The following GTF3C1 variants were observed in gnomAD, a reference collection of about 807,000 sequenced individuals.
GTF3C1 encodes general transcription factor 3C polypeptide 1.
In GTF3C1, 57 loss-of-function variants were observed where a neutral mutation model predicts 226.7. The observed-to-expected ratio is 0.25, with a 90% confidence interval of 0.20 to 0.31. The LOEUF (loss-of-function observed/expected upper bound fraction) is 0.31. GTF3C1 is among the 10% of genes least tolerant of loss of function. GTF3C1 has a pLI of 1.00. For missense variants in GTF3C1, 2,217 were observed against 2,776.1 expected (o/e 0.80, Z 4.53); for synonymous variants, 1,090 against 1,084.8 (o/e 1.00, Z -0.09).
chr16:27,531,052 A>G lies in GTF3C1; in HGVS notation c.849+2239T>C, dbSNP rs532224896. 2.8e-4 allele frequency among the ~76,000 whole-genome samples: 42 copies of G among 152,180 alleles called. No individual in the cohort carries two copies. The East Asian group carries it at 6.9e-3, about 25-fold the overall frequency. ...CTTCCCTCCACCAGCTCATATGCCT[A>G]GACTGCAACCTCCACCTCCCAGGCT... On this transcript the variant is annotated intron_variant, in intron 5 of 36. Coordinates refer to ENST00000356183, the MANE Select transcript of GTF3C1 (RefSeq NM_001520.4).
chr16:27,539,290 T>C (rs1237241523), intron 2 of GTF3C1, among the ~76,000 whole-genome samples: 1 of 152,164 alleles, frequency 6.6e-6, no homozygotes, highest in Non-Finnish European at 1.5e-5. Context: ...AAATCATTAG[T>C]TCCTTCCTCT....
intron 1 of GTF3C1, among the ~76,000 whole-genome samples, chr16:27,549,076 C>A (rs1596671422): frequency 6.6e-6 from 1 of 152,122 alleles, no homozygotes; most frequent in African/African-American, 2.4e-5. Flanking sequence ...ATCGCTTGAA[C>A]CTGGGAGGCG....
In GTF3C1 at chr16:27,484,208, T is replaced by C. The variant is rs775830972; in HGVS notation, c.4001+3A>G. On this transcript the variant is annotated splice_donor_region_variant and intron_variant, in intron 25 of 36. Coordinates refer to ENST00000356183, the MANE Select transcript of GTF3C1 (RefSeq NM_001520.4). ...GGAGTGACGGGGCTTCAATGAGGCT[T>C]ACTTATAGTTGAGATAGGCCTGTGG... 6.9e-6 allele frequency: 11 copies of C among 1,599,774 alleles called. No homozygotes were observed. The highest frequency in any genetic ancestry group is 9.4e-6 in the Non-Finnish European group (11 of 1,167,164).
chr16:27,545,539 C>G lies in GTF3C1; in HGVS notation c.222-16G>C, dbSNP rs1567418848. 1 of 1,450,894 alleles carries G rather than the reference C, an allele frequency of 6.9e-7. No homozygotes were observed. The highest frequency in any genetic ancestry group is 1.1e-5 in the South Asian group (1 of 87,674). The allele number at this position is 1,450,894 out of a possible 1,614,324, so 89.9% of individuals were successfully genotyped here. ...TTCTTCATACCTAAGGAGAAAAACACAAATATCAAAGCCCAACTCAGCTTC... is the reference window on the plus strand; with the variant it reads ...TTCTTCATACCTAAGGAGAAAAACAGAAATATCAAAGCCCAACTCAGCTTC... On this transcript the variant is annotated splice_polypyrimidine_tract_variant and intron_variant, in intron 1 of 36. Coordinates refer to ENST00000356183, the MANE Select transcript of GTF3C1 (RefSeq NM_001520.4).
chr16:27,511,435 C>T (rs1162915269), intron 7 of GTF3C1, among the ~76,000 whole-genome samples: 1 of 152,202 alleles, frequency 6.6e-6, no homozygotes, highest in Non-Finnish European at 1.5e-5. Flanking sequence ...GAGCCAATTA[C>T]CTTAATAAGC....
rs753964593 is a variant in GTF3C1 at position 27,486,174 on chromosome 16, A to G, written c.3701-20T>C. ...ACTCTCCTAAAAACACCAGAGGGAG[A>G]AGGCAGGAGACCTCTAACACCTGGT... On this transcript the variant is annotated intron_variant, in intron 23 of 36. Transcript: ENST00000356183. 2 of 1,525,472 alleles carry G rather than the reference A, an allele frequency of 1.3e-6. No individual in the cohort carries two copies. Among genetic ancestry groups the G allele is most frequent in the South Asian group, 2.3e-5 (2 of 86,068 alleles). The allele number at this position is 1,525,472 out of a possible 1,614,324, so 94.5% of individuals were successfully genotyped here.
At chr16:27,533,196 C>T in intron 5 of GTF3C1, 95 bp downstream of exon 5, 4 of 662,152 alleles carry the variant, frequency 6.0e-6, no homozygotes, top group East Asian at 5.2e-5. Flanking sequence ...CAGAATAGGG[C>T]TTTGGGTTGC....
intron 6 of GTF3C1, among the ~76,000 whole-genome samples, chr16:27,517,743 C>T (rs998440882): frequency 1.3e-5 from 2 of 152,290 alleles, no homozygotes; most frequent in East Asian, 1.9e-4. Flanking sequence ...TATGAGCCAG[C>T]CATTGTGTTC....
Position 27,463,639 on chromosome 16 carries a change from G to A in GTF3C1, c.5873-47C>T, listed in dbSNP as rs755703780. ...GTGAGAGACTCGGAAAGTCAGGGAA[G>A]CCATCTCTGCCCTCCAACCTTCAGC... On this transcript the variant is annotated intron_variant, in intron 34 of 36. Coordinates refer to ENST00000356183, the MANE Select transcript of GTF3C1 (RefSeq NM_001520.4). The surrounding 1 kb of genome is among the most constrained non-coding windows in gnomAD (Gnocchi z 4.9). The A allele has an allele frequency of 5.6e-6, 6 of 1,076,488 alleles. No individual in the cohort carries two copies. The highest frequency in any genetic ancestry group is 4.4e-6 in the Non-Finnish European group (3 of 688,444). 66.7% of individuals were successfully genotyped at this position (1,076,488 alleles called of 1,614,324 possible).
chr16:27,516,396 G>A (rs573827922), intron 6 of GTF3C1, among the ~76,000 whole-genome samples: 35 of 152,208 alleles, frequency 2.3e-4, no homozygotes, highest in Non-Finnish European at 4.1e-4. Context: ...TGGGCCCAGC[G>A]TGAGGCGGCT....
Position 27,538,231 on chromosome 16 carries a change from C to T in GTF3C1, c.557G>A (p.Arg186Gln), listed in dbSNP as rs780955825. ...CTGGAGCTCCCCTTGCCACCTGGAC[C>T]GGCCTAGCCGTTCCAGGATGCAGTA... ...FSYCILERLG[R>Q]SRWQGELQRD... Residue 186 changes from arginine (R) to glutamine (Q), a missense_variant, in exon 3 of 37, where the codon CGG becomes CAG. Arg to Gln is a conservative substitution (Grantham distance 43, BLOSUM62 1). Around this residue, in one of 12 missense-constraint regions of GTF3C1, gnomAD observed 192 missense variants for 251.8 expected, o/e 0.76. Transcript: ENST00000356183. The T allele has an allele frequency of 6.2e-7, 1 of 1,606,068 alleles. No individual in the cohort carries two copies. The highest frequency in any genetic ancestry group is 8.5e-7 in the Non-Finnish European group (1 of 1,176,724).
chr16:27,518,525 G>A lies in GTF3C1; in HGVS notation c.974-6624C>T, dbSNP rs530704336. ...TGCTACTGCTTTTACAACTCTGATC[G>A]TTACTACAACCTTGGAAACACACAG... On this transcript the variant is annotated intron_variant, in intron 6 of 36. Transcript: ENST00000356183. Among the ~76,000 whole-genome samples, 5 of 152,324 alleles carry A rather than the reference G, an allele frequency of 3.3e-5. No individual in the cohort carries two copies. In the East Asian group the frequency reaches 7.7e-4, roughly 23 times the overall value.
intron 29 of GTF3C1, among the ~76,000 whole-genome samples, chr16:27,474,692 T>C (rs1478493625): frequency 6.6e-6 from 1 of 152,230 alleles, no homozygotes; most frequent in Admixed American, 6.5e-5. Flanking sequence ...TCTCTGCAAG[T>C]TCAGGCTCAG....
At chr16:27,532,456 C>A (rs1323724078) in intron 5 of GTF3C1, among the ~76,000 whole-genome samples, 2 of 152,210 alleles carry the variant, frequency 1.3e-5, no homozygotes, top group Non-Finnish European at 2.9e-5. Context: ...ACCTACAGGG[C>A]CATGTTGTTT....
intron 6 of GTF3C1, among the ~76,000 whole-genome samples, chr16:27,515,844 C>T (rs2088650366): frequency 6.6e-6 from 1 of 152,220 alleles, no homozygotes; most frequent in South Asian, 2.1e-4. Context: ...CCACCCAGCA[C>T]TTGCTGGGAG....
chr16:27,538,778 G>C (rs1204746194), intron 2 of GTF3C1, among the ~76,000 whole-genome samples: 1 of 152,100 alleles, frequency 6.6e-6, no homozygotes, highest in Non-Finnish European at 1.5e-5. Context: ...TGCCCTTGCT[G>C]TTTCCTCGGC....
At chr16:27,473,348 C>T in intron 29 of GTF3C1, among the ~76,000 whole-genome samples, 1 of 152,260 alleles carries the variant, frequency 6.6e-6, no homozygotes, top group East Asian at 1.9e-4. Context: ...AAGGACTGTG[C>T]AGTCAGCAGA....
At position 27,461,503 on chromosome 16, in the gene GTF3C1, C is replaced by G. The variant is rs201287666; in HGVS notation, c.6177G>C (p.Ser2059=). The stretch of plus-strand genomic sequence containing the variant: ...CTTCCACCACGGGTGTAGAGAAGAG[C>G]GAGACAGGCCTTGGCTTTCTCAGCC... The part of the protein sequence containing the change: ...KRWLRKPRPV[S]LFSTPVVEEV... Residue 2059 remains serine, a synonymous_variant, in exon 37 of 37, where the codon TCG becomes TCC. Coordinates refer to ENST00000356183, the MANE Select transcript of GTF3C1 (RefSeq NM_001520.4). The surrounding 1 kb of genome is among the most constrained non-coding windows in gnomAD (Gnocchi z 5.3). 1.1e-5 allele frequency: 18 copies of G among 1,613,866 alleles called. No individual in the cohort carries two copies. In the Admixed American group the frequency reaches 2.2e-4, roughly 19 times the overall value.
At position 27,538,248 on chromosome 16, in the gene GTF3C1, G is replaced by A; in HGVS notation, c.540C>T (p.Ile180=). 6.2e-7 allele frequency: 1 copy of A among 1,612,042 alleles called. No individual in the cohort carries two copies. Among genetic ancestry groups the A allele is most frequent in the Non-Finnish European group, 8.5e-7 (1 of 1,178,162 alleles). The change falls in exon 3 of 37, where the codon ATC becomes ATT. Residue 180 remains isoleucine, a synonymous_variant. Coordinates refer to ENST00000356183, the MANE Select transcript of GTF3C1 (RefSeq NM_001520.4). ...DLKLPDFSYC[I]LERLGRSRWQ... Reference sequence around the variant, plus strand: ...ACCTGGACCGGCCTAGCCGTTCCAGGATGCAGTAGGAGAAGTCGGGCAGCT... The same window carrying A: ...ACCTGGACCGGCCTAGCCGTTCCAGAATGCAGTAGGAGAAGTCGGGCAGCT...
Sources: gnomAD v4.1 joint callset for allele counts (sites outside exome capture counted in the v4.1 genomes callset) on GRCh38, gnomAD v4.1.1 for gene constraint, gnomAD v4.1.1 regional missense constraint, Gnocchi (gnomAD v3.1) non-coding constraint, MANE v1.5 for transcripts, NCBI Gene and HGNC (gene_info 2026-07-23, HGNC 2026-07-21) for gene names.